Variants in MINDY2 observed in about 807,000 individuals in gnomAD.
MINDY2 encodes the protein MINDY lysine 48 deubiquitinase 2.
In MINDY2, 52 loss-of-function variants were observed where a neutral mutation model predicts 68.2. The ratio of observed to expected loss-of-function variants is 0.76; its 90% confidence interval spans 0.61 to 0.96. MINDY2 has a LOEUF of 0.96. MINDY2 is among the 40% of genes least tolerant of loss of function. The pLI is 0.00. For synonymous variants in MINDY2, 372 were observed against 303.0 expected, an observed-to-expected ratio of 1.23 and a Z score of -2.36; for missense variants, 881 against 773.4, an observed-to-expected ratio of 1.14 and a Z score of -1.65.
chr15:58,854,236 T>G (rs1325301641), intron 8 of MINDY2, among the ~76,000 whole-genome samples: 30 of 149,374 alleles, frequency 2.0e-4, no homozygotes, highest in African/African-American at 7.4e-4. Context: ...GGTGCAAGAC[T>G]CTGTCTCAAA....
chr15:58,800,560 G>A (rs2140950202), intron 2 of MINDY2, among the ~76,000 whole-genome samples: 1 of 151,950 alleles, frequency 6.6e-6, no homozygotes, highest in East Asian at 1.9e-4. Flanking sequence ...CGTGTGACAT[G>A]ATCTTTCTTA....
At chr15:58,817,461 C>G (rs1474672122) in intron 4 of MINDY2, among the ~76,000 whole-genome samples, 2 of 152,210 alleles carry the variant, frequency 1.3e-5, no homozygotes, top group Non-Finnish European at 2.9e-5. Flanking sequence ...CGCAGTGGCT[C>G]ACACCTGTAA....
At position 58,802,356 on chromosome 15, in the gene MINDY2, T is replaced by C. The variant is rs1487221517; in HGVS notation, c.942T>C (p.Ile314=). The change falls in exon 3 of 9, where the codon ATT becomes ATC. Residue 314 remains isoleucine, a synonymous_variant. Transcript: ENST00000559228. The part of the protein sequence containing the change: ...LDAKPKEISE[I]QRLNYEQNMS... The stretch of plus-strand genomic sequence containing the variant: ...CAAAGCCAAAAGAAATTTCAGAAAT[T>C]CAACGTTTAAATTATGAACAGGTAA... The C allele has an allele frequency of 1.3e-6, 2 of 1,587,870 alleles. No individual in the cohort carries two copies. The highest frequency in any genetic ancestry group is 1.7e-6 in the Non-Finnish European group (2 of 1,168,170).
intron 6 of MINDY2, among the ~76,000 whole-genome samples, chr15:58,844,010 C>T (rs1313136704): frequency 9.8e-6 from 1 of 101,748 alleles, no homozygotes; most frequent in Non-Finnish European, 2.2e-5. Context: ...AAAACCTATT[C>T]TATATTATTA....
rs1391033094 is a variant in MINDY2, at chr15:58,856,999, G to C, written c.*2389G>C. 1 of 152,178 alleles carries C rather than the reference G, an allele frequency of 6.6e-6. No individual in the cohort carries two copies. The highest frequency in any genetic ancestry group is 2.4e-5 in the African/African-American group (1 of 41,454). The allele number at this position is 152,178 out of a possible 1,614,324, so 9.4% of individuals were successfully genotyped here. Reference sequence around the variant, plus strand: ...AAACAAAACTCACTCAAAACCAGCAGTGCTGCTATCAGATAAGTAGATGTC... The same window carrying C: ...AAACAAAACTCACTCAAAACCAGCACTGCTGCTATCAGATAAGTAGATGTC... On this transcript the variant is annotated 3_prime_UTR_variant, in exon 9 of 9. Transcript: ENST00000559228.
chr15:58,771,827 C>A lies in MINDY2; in HGVS notation c.432C>A (p.Thr144=). ...CCGGCACCTGCCAAGCAGAACTGAC[C>A]GCCGCCGGCTCCGAAGAGCCCAGCA... ...DLAGTCQAEL[T]AAGSEEPSSA... Residue 144 remains threonine, a synonymous_variant, in exon 1 of 9, where the codon ACC becomes ACA. Transcript: ENST00000559228. 1.2e-6 allele frequency: 2 copies of A among 1,608,770 alleles called. No homozygotes were observed. Among genetic ancestry groups the A allele is most frequent in the Non-Finnish European group, 1.7e-6 (2 of 1,178,126 alleles).
intron 6 of MINDY2, among the ~76,000 whole-genome samples, chr15:58,845,541 C>A (rs1239114730): frequency 6.6e-6 from 1 of 152,042 alleles, no homozygotes; most frequent in African/African-American, 2.4e-5. Flanking sequence ...AAAAGACAGA[C>A]AATAACAAAT....
At chr15:58,823,128 C>CT (rs765836105) in intron 5 of MINDY2, among the ~76,000 whole-genome samples, 16 of 142,600 alleles carry the variant, frequency 1.1e-4, no homozygotes, top group Non-Finnish European at 1.8e-4. Flanking sequence ...TTATCCTAAT[C>CT]TTTTTTTTTT....
rs760218290 is a variant in MINDY2 at position 58,847,318 on chromosome 15, A to G, written c.1390A>G (p.Thr464Ala). The G allele has an allele frequency of 6.3e-7, 1 of 1,579,008 alleles. No homozygotes were observed. The highest frequency in any genetic ancestry group is 8.7e-7 in the Non-Finnish European group (1 of 1,153,220). ...KYKGQLYLLV[T>A]DQGFLTEEKV... ...TAAGGGTCAACTGTATTTGTTGGTA[A>G]CGGACCAGGGGTTTCTTACTGAAGA... is the stretch of plus-strand genomic sequence containing the variant. Residue 464 changes from threonine (T) to alanine (A), a missense_variant, in exon 7 of 9, where the codon ACG becomes GCG. Thr to Ala is a moderately conservative substitution (Grantham distance 58). Coordinates refer to ENST00000559228, the MANE Select transcript of MINDY2 (RefSeq NM_001040450.3).
chr15:58,851,258 G>A (rs1216825337), intron 7 of MINDY2, among the ~76,000 whole-genome samples: 1 of 152,076 alleles, frequency 6.6e-6, no homozygotes, highest in Non-Finnish European at 1.5e-5. Flanking sequence ...ATAGGCGTGA[G>A]CCACCGCACC....
chr15:58,826,781 A>G (rs1436127397), intron 5 of MINDY2, among the ~76,000 whole-genome samples: 2 of 152,140 alleles, frequency 1.3e-5, no homozygotes, highest in South Asian at 2.1e-4. Context: ...GGAGGCTCCA[A>G]TTATGGATCA....
chr15:58,839,456 G>A (rs747895968), intron 6 of MINDY2, among the ~76,000 whole-genome samples: 3 of 151,282 alleles, frequency 2.0e-5, no homozygotes, highest in East Asian at 3.9e-4. Context: ...CTCAGCCCCC[G>A]GAGTAGCTGG....
chr15:58,852,350 A>T (rs2032863552), intron 8 of MINDY2, among the ~76,000 whole-genome samples: 2 of 150,748 alleles, frequency 1.3e-5, no homozygotes, highest in African/African-American at 4.9e-5. Context: ...AAAAAATTTT[A>T]AATTAGGTGT....
rs1054194287 is a variant in MINDY2 at position 58,853,231 on chromosome 15, G to T, written c.1738-1251G>T. ...GCCTCCCAAAGTGCTGGGATTACAGGTGTGAGGCACCACGCCTGGCCTAAA... is the reference window on the plus strand; with the variant it reads ...GCCTCCCAAAGTGCTGGGATTACAGTTGTGAGGCACCACGCCTGGCCTAAA... On this transcript the variant is annotated intron_variant, in intron 8 of 8. Coordinates refer to ENST00000559228, the MANE Select transcript of MINDY2 (RefSeq NM_001040450.3). 3.9e-5 allele frequency among the ~76,000 whole-genome samples: 6 copies of T among 151,900 alleles called. 1 individual carries two copies. Among genetic ancestry groups the T allele is most frequent in the South Asian group, 2.1e-4 (1 of 4,820 alleles).
chr15:58,825,369 G>A (rs547963574), intron 5 of MINDY2, among the ~76,000 whole-genome samples: 11 of 152,078 alleles, frequency 7.2e-5, no homozygotes, highest in East Asian at 1.9e-4. Context: ...CACTGCTTTC[G>A]GGTGTCGATA....
intron 1 of MINDY2, among the ~76,000 whole-genome samples, chr15:58,782,911 G>GT (rs1157376592): frequency 0.68 from 43,476 of 64,008 alleles, 19,409 homozygotes; most frequent in Middle Eastern, 0.87. Flanking sequence ...TTTTCTCTCT[G>GT]TTTTTTTTTT....
chr15:58,850,259 A>G (rs1041081955), intron 7 of MINDY2, among the ~76,000 whole-genome samples: 2 of 152,158 alleles, frequency 1.3e-5, no homozygotes, highest in African/African-American at 4.8e-5. Context: ...ATTGAGTAAG[A>G]CTATATGATG....
intron 4 of MINDY2, among the ~76,000 whole-genome samples, chr15:58,817,892 A>G (rs1442499840): frequency 6.6e-6 from 1 of 152,200 alleles, no homozygotes; most frequent in East Asian, 1.9e-4. Flanking sequence ...AGACTCAGCA[A>G]TTTGGCAAGG....
chr15:58,794,065 T>C (rs772721513), intron 2 of MINDY2, among the ~76,000 whole-genome samples: 1 of 151,998 alleles, frequency 6.6e-6, no homozygotes, highest in South Asian at 2.1e-4. Context: ...CGAAAGAATC[T>C]AGGGTATGTT....
Sources: allele counts gnomAD v4.1 joint callset (sites outside exome capture counted in the v4.1 genomes callset), GRCh38; gene constraint gnomAD v4.1.1; transcripts MANE v1.5; gene names NCBI Gene and HGNC (gene_info 2026-07-23, HGNC 2026-07-21).